NPHP4: variants seen among roughly 807,000 people sequenced by gnomAD.
NPHP4 encodes the protein nephrocystin-4.
In NPHP4, 151 loss-of-function variants were observed where a neutral mutation model predicts 155.8. The ratio of observed to expected loss-of-function variants is 0.97; its 90% CI spans 0.85 to 1.11. The LOEUF (loss-of-function observed/expected upper bound fraction) is 1.11. NPHP4 is among the 50% of genes least tolerant of loss of function. The pLI, the probability that NPHP4 is intolerant of heterozygous loss-of-function variation, is 0.00. For synonymous variants in NPHP4, 845 were observed against 816.8 expected, an observed-to-expected ratio of 1.03 and a Z score of -0.59; for missense variants, 1,956 against 1,925.7, an observed-to-expected ratio of 1.02 and a Z score of -0.29.
intron 4 of NPHP4, among the ~76,000 whole-genome samples, chr1:5,967,589 T>C (rs1327762152): frequency 6.6e-6 from 1 of 152,200 alleles, no homozygotes; most frequent in Non-Finnish European, 1.5e-5. Flanking sequence ...CAAGGCAGCC[T>C]GAGAATTGAG....
At position 5,867,259 on chromosome 1, in the gene NPHP4, C is replaced by T; in HGVS notation, c.3473-144G>A. On this transcript the variant is annotated intron_variant, in intron 24 of 29. Coordinates refer to ENST00000378156, the MANE Select transcript of NPHP4 (RefSeq NM_015102.5). The surrounding 1 kb of genome is among the most constrained non-coding windows in gnomAD (Gnocchi z 4.1). ...CCTGCTGGGGAAACGGACGCCGCCACCTTTCCCAGGACAGCATCCAAGCAC... is the reference window on the plus strand; with the variant it reads ...CCTGCTGGGGAAACGGACGCCGCCATCTTTCCCAGGACAGCATCCAAGCAC... The T allele has an allele frequency of 1.6e-6, 1 of 637,398 alleles. No homozygotes were observed. Among genetic ancestry groups the T allele is most frequent in the Non-Finnish European group, 2.8e-6 (1 of 359,920 alleles). The allele number at this position is 637,398 out of a possible 1,614,324, so 39.5% of individuals were successfully genotyped here. A position where few individuals can be genotyped will look rare whatever the true frequency, so the allele number is the denominator to read the frequency against.
At chr1:5,966,106 G>C (rs1202550436) in intron 5 of NPHP4, among the ~76,000 whole-genome samples, 1 of 152,172 alleles carries the variant, frequency 6.6e-6, no homozygotes, top group Non-Finnish European at 1.5e-5. Context: ...CTGTCAGAAA[G>C]GCCACCTGCA....
intron 16 of NPHP4, among the ~76,000 whole-genome samples, chr1:5,893,800 G>C (rs1644260966): frequency 1.3e-5 from 2 of 152,212 alleles, no homozygotes; most frequent in African/African-American, 4.8e-5. Flanking sequence ...GCTACCGCTA[G>C]ACCATGGTCC....
intron 23 of NPHP4, among the ~76,000 whole-genome samples, chr1:5,872,194 C>T (rs1642074474): frequency 6.6e-6 from 1 of 152,244 alleles, no homozygotes; most frequent in African/African-American, 2.4e-5. Context: ...CCCCGTCTTC[C>T]CACGGAGGCC....
At chr1:5,971,969 C>T (rs1652649089) in intron 3 of NPHP4, among the ~76,000 whole-genome samples, 1 of 152,222 alleles carries the variant, frequency 6.6e-6, no homozygotes, top group Admixed American at 6.5e-5. Flanking sequence ...GTCTTAATGC[C>T]TTCATCTTCA....
intron 6 of NPHP4, 86 bp downstream of exon 6, chr1:5,961,708 C>G: frequency 7.3e-7 from 1 of 1,372,332 alleles, no homozygotes; most frequent in South Asian, 1.2e-5. Context: ...CACGCTGCCC[C>G]CAGAAGAGCC....
In NPHP4 at chr1:5,877,282, T is replaced by C. The variant is rs1642714163; in HGVS notation, c.2628A>G (p.Gln876=). 1.9e-6 allele frequency: 3 copies of C among 1,598,042 alleles called. No homozygotes were observed. The South Asian group carries it at 3.3e-5, about 18-fold the overall frequency. The change falls in exon 20 of 30, where the codon CAA becomes CAG. Residue 876 remains glutamine, a synonymous_variant. Coordinates refer to ENST00000378156, the MANE Select transcript of NPHP4 (RefSeq NM_015102.5). ...TGTCCACGTCCGCCAGCTTCTGTGC[T>C]TGCACCACGTGTTTTCCTGCGAAAG... The part of the protein sequence containing the change: ...TGSSRRKHVV[Q]AQKLADVDSE...
chr1:5,883,505 G>C (rs1030701935), intron 18 of NPHP4, among the ~76,000 whole-genome samples: 1 of 152,210 alleles, frequency 6.6e-6, no homozygotes, highest in Non-Finnish European at 1.5e-5. Flanking sequence ...TTCACAGCAG[G>C]GGCAGCAGCT....
intron 5 of NPHP4, among the ~76,000 whole-genome samples, chr1:5,962,592 A>G (rs1037655020): frequency 4.6e-5 from 7 of 152,210 alleles, no homozygotes; most frequent in Non-Finnish European, 1.0e-4. Flanking sequence ...TCAGAGACAG[A>G]GCCCTGTCCT....
Position 5,904,751 on chromosome 1 carries a change from A to T in NPHP4, c.2009T>A (p.Phe670Tyr), listed in dbSNP as rs543856920. ...TSWPKTVYFT[F>Y]QFYRFPPATT... ...TGCGGGTGGGAAGCGGTAGAACTGG[A>T]AGGTGAAATACACAGTCTTTGGCCA... is the stretch of plus-strand genomic sequence containing the variant. Residue 670 changes from phenylalanine to tyrosine, a missense_variant, in exon 16 of 30, where the codon TTC becomes TAC. Physicochemically the swap from Phe to Tyr is conservative, Grantham distance 22 (BLOSUM62 3). Transcript: ENST00000378156. The T allele has an allele frequency of 1.2e-6, 2 of 1,613,974 alleles. No individual in the cohort carries two copies. Among genetic ancestry groups the T allele is most frequent in the Non-Finnish European group, 1.7e-6 (2 of 1,179,882 alleles).
chr1:5,968,935 G>A (rs1299591795), intron 4 of NPHP4, among the ~76,000 whole-genome samples, 152 bp downstream of exon 4: 1 of 151,300 alleles, frequency 6.6e-6, no homozygotes, highest in African/African-American at 2.4e-5. Context: ...GCTGAGGCAC[G>A]AGAATCGCTC....
rs1328975206 is a variant in NPHP4, at chr1:5,867,094, C to T, written c.3494G>A (p.Gly1165Asp). ...TFPGAPVGML[G>D]EDPPVHVRCS... ...GCGAACATGGACTGGGGGGTCCTCA[C>T]CAAGCATTCCCACCGGAGCACCTGG... Residue 1165 changes from glycine to aspartate, a missense_variant, in exon 25 of 30, where the codon GGT becomes GAT. Gly to Asp is a moderately conservative substitution (Grantham distance 94, BLOSUM62 -1). Coordinates refer to ENST00000378156, the MANE Select transcript of NPHP4 (RefSeq NM_015102.5). The surrounding 1 kb of genome is among the most constrained non-coding windows in gnomAD (Gnocchi z 4.1). 6.2e-7 allele frequency: 1 copy of T among 1,612,534 alleles called. No homozygotes were observed. The highest frequency in any genetic ancestry group is 1.7e-5 in the Admixed American group (1 of 59,860).
At chr1:5,964,695 C>T (rs1277911257) in intron 5 of NPHP4, among the ~76,000 whole-genome samples, 1 of 151,600 alleles carries the variant, frequency 6.6e-6, no homozygotes, top group Non-Finnish European at 1.5e-5. Context: ...ACCTGACTAC[C>T]TTTTCCAATT....
chr1:5,865,202 G>A lies in NPHP4; in HGVS notation c.3716C>T (p.Ser1239Phe). The A allele has an allele frequency of 6.2e-7, 1 of 1,611,104 alleles. No individual in the cohort carries two copies. Among genetic ancestry groups the A allele is most frequent in the Admixed American group, 1.7e-5 (1 of 59,922 alleles). ...YLHSLQRVDV[S>F]CVAGQLTRLS... Reference sequence around the variant, plus strand: ...GCGGGTCAGCTGGCCTGCGACGCAGGAGACATCCACGCGCTGCAGGGAGTG... The same window carrying A: ...GCGGGTCAGCTGGCCTGCGACGCAGAAGACATCCACGCGCTGCAGGGAGTG... Residue 1239 changes from serine (S) to phenylalanine (F), a missense_variant, in exon 27 of 30, where the codon TCC (serine) becomes TTC (phenylalanine). Coordinates refer to ENST00000378156, the MANE Select transcript of NPHP4 (RefSeq NM_015102.5).
intron 1 of NPHP4, among the ~76,000 whole-genome samples, chr1:5,989,831 C>A (rs536674454): frequency 6.6e-6 from 1 of 152,194 alleles, no homozygotes; most frequent in Non-Finnish European, 1.5e-5. Flanking sequence ...TGCTGAAGGA[C>A]GTGCATACGC....
chr1:5,959,259 G>C (rs12076826), intron 6 of NPHP4, among the ~76,000 whole-genome samples: 1 of 152,128 alleles, frequency 6.6e-6, no homozygotes, highest in African/African-American at 2.4e-5. Context: ...GCCAGCATTC[G>C]TTTGGCACCT....
intron 23 of NPHP4, among the ~76,000 whole-genome samples, chr1:5,871,854 G>A (rs745370140): frequency 6.6e-6 from 1 of 152,268 alleles, no homozygotes. Context: ...CGTTGACTGG[G>A]GGCAGCAACA....
rs1265748598 is a variant in NPHP4 at position 5,864,321 on chromosome 1, C to G, written c.3996+17G>C. 3.2e-6 allele frequency: 5 copies of G among 1,583,766 alleles called. No individual in the cohort carries two copies. The African/African-American group carries it at 6.7e-5, about 21-fold the overall frequency. On this transcript the variant is annotated intron_variant, in intron 28 of 29. Coordinates refer to ENST00000378156, the MANE Select transcript of NPHP4 (RefSeq NM_015102.5). ...GAGCCCCCATCCCCTCAGCCTGTGC[C>G]TGCCACACATACAGACCTTGGAGAT...
intron 11 of NPHP4, among the ~76,000 whole-genome samples, chr1:5,916,644 C>T (rs1645488589): frequency 6.6e-6 from 1 of 152,264 alleles, no homozygotes; most frequent in Non-Finnish European, 1.5e-5. Context: ...ACACTCCTCT[C>T]TGCCAAGGAT....
Sources: gnomAD v4.1 joint callset for allele counts (sites outside exome capture counted in the v4.1 genomes callset) on GRCh38, gnomAD v4.1.1 for gene constraint, Gnocchi (gnomAD v3.1) non-coding constraint, MANE v1.5 for transcripts, NCBI Gene and HGNC (gene_info 2026-07-23, HGNC 2026-07-21) for gene names.